Variants in MECOM observed in about 807,000 individuals in gnomAD.
MECOM encodes histone-lysine N-methyltransferase MECOM.
MECOM carries 13 observed loss-of-function variants against 116.3 expected under a neutral mutation model. The ratio of observed to expected loss-of-function variants is 0.11; its 90% confidence interval spans 0.07 to 0.18. The LOEUF (loss-of-function observed/expected upper bound fraction) is 0.18, where lower values mean the gene tolerates loss of function less well. Ranked by LOEUF, MECOM falls within the 10% of genes least tolerant of loss-of-function variation. The pLI is 1.00. For synonymous variants in MECOM, 528 were observed against 535.2 expected, an observed-to-expected ratio of 0.99 and a Z score of 0.19; for missense variants, 1,299 against 1,509.0, an observed-to-expected ratio of 0.86 and a Z score of 2.31.
intron 1 of MECOM, chr3:169,614,927 C>CT (rs1769802280): frequency 4.6e-5 from 7 of 152,206 alleles, no homozygotes; most frequent in Non-Finnish European, 1.0e-4. Flanking sequence ...CTGCTAAGTT[C>CT]AAGTCCTTCT....
At chr3:169,532,781 A>G (rs112921939) in intron 1 of MECOM, among the ~76,000 whole-genome samples, 1,596 of 151,954 alleles carry the variant, frequency 0.011, 30 homozygotes, top group African/African-American at 0.037. Context: ...ACACAAATAT[A>G]CTGAATCTGA....
chr3:169,651,407 G>T (rs1443912128), intron 1 of MECOM, among the ~76,000 whole-genome samples: 1 of 152,154 alleles, frequency 6.6e-6, no homozygotes, highest in African/African-American at 2.4e-5. Context: ...GTTGAATTTG[G>T]TTAGCTACTA....
intron 2 of MECOM, among the ~76,000 whole-genome samples, chr3:169,286,757 C>T (rs1484561568): frequency 6.6e-6 from 1 of 152,072 alleles, no homozygotes; most frequent in Non-Finnish European, 1.5e-5. Context: ...CAGCAACAGA[C>T]CCACATTACA....
intron 2 of MECOM, chr3:169,147,804 G>T: frequency 1.6e-5 from 15 of 936,718 alleles, no homozygotes; most frequent in Non-Finnish European, 1.9e-5. Context: ...GATGGGGAAG[G>T]GTAGAGAAGT....
chr3:169,609,348 G>A (rs193011012), intron 1 of MECOM, among the ~76,000 whole-genome samples: 2 of 152,282 alleles, frequency 1.3e-5, no homozygotes, highest in Non-Finnish European at 2.9e-5. Context: ...CATATGTTAT[G>A]AGAAATGCAT....
chr3:169,508,516 T>TCACACTCA (rs141340284), intron 1 of MECOM, among the ~76,000 whole-genome samples: 4 of 150,828 alleles, frequency 2.7e-5, no homozygotes, highest in African/African-American at 9.7e-5. Context: ...ACATACACAC[T>TCACACTCA]CACACACACA....
intron 1 of MECOM, among the ~76,000 whole-genome samples, chr3:169,534,092 T>C (rs568465900): frequency 6.6e-6 from 1 of 152,314 alleles, no homozygotes; most frequent in African/African-American, 2.4e-5. Context: ...CCACTGTTTT[T>C]TTGCCTCCTC....
At chr3:169,162,711 A>G (rs1743021343) in intron 2 of MECOM, among the ~76,000 whole-genome samples, 1 of 152,216 alleles carries the variant, frequency 6.6e-6, no homozygotes, top group South Asian at 2.1e-4. Context: ...AGGTATGTTT[A>G]TCTTCATATG....
intron 2 of MECOM, among the ~76,000 whole-genome samples, chr3:169,208,860 C>G (rs1410932330): frequency 7.3e-6 from 1 of 137,828 alleles, no homozygotes; most frequent in Non-Finnish European, 1.6e-5. Flanking sequence ...CATTTGGAAC[C>G]AAAAAAGAGC....
At chr3:169,202,774 GT>G (rs1749338338) in intron 2 of MECOM, among the ~76,000 whole-genome samples, 1 of 127,496 alleles carries the variant, frequency 7.8e-6, no homozygotes, top group Non-Finnish European at 1.6e-5. Context: ...GCTCCCAAAA[GT>G]TCTTTCAGTA....
intron 2 of MECOM, among the ~76,000 whole-genome samples, chr3:169,167,170 G>T (rs777892169): frequency 6.6e-6 from 1 of 152,144 alleles, no homozygotes; most frequent in Non-Finnish European, 1.5e-5. Context: ...TAGAGACGGG[G>T]TCTCACCATG....
At chr3:169,483,231 G>A (rs988461680) in intron 1 of MECOM, among the ~76,000 whole-genome samples, 14 of 108,554 alleles carry the variant, frequency 1.3e-4, no homozygotes, top group Non-Finnish European at 2.1e-4. Flanking sequence ...CCAGAAACCC[G>A]CATTTTATTG....
intron 1 of MECOM, among the ~76,000 whole-genome samples, chr3:169,411,650 A>G (rs1157241626): frequency 6.6e-6 from 1 of 152,246 alleles, no homozygotes; most frequent in Non-Finnish European, 1.5e-5. Context: ...AAGAGCCCAA[A>G]AGTTGCAAGG....
chr3:169,154,116 C>T (rs1479427120), intron 2 of MECOM, among the ~76,000 whole-genome samples: 1 of 152,096 alleles, frequency 6.6e-6, no homozygotes, highest in Non-Finnish European at 1.5e-5. Context: ...TGGCTTGCAG[C>T]TGAGTTTGTT....
chr3:169,431,347 G>A (rs1341093702), intron 1 of MECOM, among the ~76,000 whole-genome samples: 1 of 152,194 alleles, frequency 6.6e-6, no homozygotes, highest in Non-Finnish European at 1.5e-5. Context: ...TGGTTACTAA[G>A]AGGCTGCGAT....
intron 1 of MECOM, among the ~76,000 whole-genome samples, chr3:169,601,635 T>C (rs1407511758): frequency 6.6e-6 from 1 of 152,210 alleles, no homozygotes; most frequent in African/African-American, 2.4e-5. Context: ...TCTCTGAACC[T>C]GTGAATTGAC....
intron 2 of MECOM, among the ~76,000 whole-genome samples, chr3:169,273,773 T>C (rs999103791): frequency 6.6e-6 from 1 of 152,140 alleles, no homozygotes; most frequent in African/African-American, 2.4e-5. Context: ...AAGTTCCTAC[T>C]TACTGGCAAT....
Position 169,523,406 on chromosome 3 carries a change from C to T in MECOM, c.37+139930G>A, listed in dbSNP as rs1030847630. On this transcript the variant is annotated intron_variant, in intron 1 of 16. Coordinates refer to ENST00000651503, the MANE Select transcript of MECOM (RefSeq NM_004991.4). ...TGCCAATGGCATTCCAGAAGATATT[C>T]GCCATGAAAACTCACTACTGCAGGT... 2.3e-4 allele frequency among the ~76,000 whole-genome samples: 34 copies of T among 149,566 alleles called. 1 individual carries two copies. Among genetic ancestry groups the T allele is most frequent in the African/African-American group, 8.2e-4 (33 of 40,192 alleles).
chr3:169,178,124 A>G (rs1048812879), intron 2 of MECOM, among the ~76,000 whole-genome samples: 3 of 152,174 alleles, frequency 2.0e-5, no homozygotes, highest in Non-Finnish European at 4.4e-5. Flanking sequence ...TGACACAGTC[A>G]GCATTCAATA....
Sources: gnomAD v4.1 joint callset for allele counts (sites outside exome capture counted in the v4.1 genomes callset) on GRCh38, gnomAD v4.1.1 for gene constraint, MANE v1.5 for transcripts, NCBI Gene and HGNC (gene_info 2026-07-23, HGNC 2026-07-21) for gene names.